CAPRIN2: variants seen among roughly 807,000 people sequenced by gnomAD.
CAPRIN2 encodes caprin family member 2, also known as caprin-2.
Under a neutral mutation model 130.4 loss-of-function variants are expected in CAPRIN2, and 66 were observed. The ratio of observed to expected loss-of-function variants is 0.51; its 90% CI spans 0.42 to 0.62. The LOEUF (loss-of-function observed/expected upper bound fraction) is 0.62, where lower values mean the gene tolerates loss of function less well. CAPRIN2 is among the 20% of genes least tolerant of loss of function. The pLI is 0.00. For synonymous variants in CAPRIN2, 471 were observed against 444.1 expected (o/e 1.06, Z -0.76); for missense variants, 1,185 against 1,246.6 (o/e 0.95, Z 0.74).
exon 1 of CAPRIN2, chr12:30,754,188 C>A (rs1298432452): frequency 6.1e-6 from 1 of 162,696 alleles, no homozygotes; most frequent in East Asian, 1.7e-4. Flanking sequence ...CATTTGCAGA[C>A]AGGTACTCTC....
At chr12:30,739,150 A>G (rs2066176997) in intron 3 of CAPRIN2, among the ~76,000 whole-genome samples, 1 of 152,244 alleles carries the variant, frequency 6.6e-6, no homozygotes. Context: ...CATGGAATCA[A>G]TCTAAATGCC....
At position 30,753,523 on chromosome 12, in the gene CAPRIN2, T is replaced by TC. The variant is rs764201241; in HGVS notation, c.240dup (p.Asn81GlufsTer39). 3 of 1,614,026 alleles carry TC rather than the reference T, an allele frequency of 1.9e-6. No homozygotes were observed. Among genetic ancestry groups the TC allele is most frequent in the African/African-American group, 2.7e-5 (2 of 74,900 alleles). On this transcript the variant is annotated frameshift_variant, in exon 1 of 17. Transcript: ENST00000298892. LOFTEE classifies it high-confidence loss of function. ...ACTTGGGGCTTGGCTGACTTCATAT[T>TC]CCCCTCTCTTTCCTCCTCTGAATGG...
intron 12 of CAPRIN2, 41 bp from the exon 14 acceptor site, chr12:30,719,266 A>T (rs368435989): frequency 6.2e-7 from 1 of 1,608,876 alleles, no homozygotes; most frequent in South Asian, 1.1e-5. Flanking sequence ...CACCTGCCAT[A>T]TAACAAGCAG....
intron 11 of CAPRIN2, among the ~76,000 whole-genome samples, chr12:30,722,540 G>GTAAA (rs10636952): frequency 0.29 from 43,420 of 151,946 alleles, 6,359 homozygotes; most frequent in Non-Finnish European, 0.33. Context: ...AACTGCTTTA[G>GTAAA]TAAAAGCAGT....
rs748116469 is a variant in CAPRIN2 at position 30,710,919 on chromosome 12, T to A, written c.2666-449A>T. 3.9e-5 allele frequency among the ~76,000 whole-genome samples: 6 copies of A among 152,252 alleles called. No homozygotes were observed. Among genetic ancestry groups the A allele is most frequent in the Non-Finnish European group, 7.3e-5 (5 of 68,048 alleles). On this transcript the variant is annotated intron_variant, in intron 16 of 16. Transcript: ENST00000298892. The surrounding 1 kb of genome is among the most constrained non-coding windows in gnomAD (Gnocchi z 4.8). ...CACTAGCCATTCAGAGATATATTGA[T>A]ATGGAACTAAGTCCCATGATGATGA...
At chr12:30,726,795 A>G (rs547335684) in intron 8 of CAPRIN2, among the ~76,000 whole-genome samples, 1 of 152,326 alleles carries the variant, frequency 6.6e-6, no homozygotes, top group East Asian at 1.9e-4. Context: ...AAGTGAGTAC[A>G]TATGGGACTC....
chr12:30,735,818 A>T (rs1046257529), intron 3 of CAPRIN2, among the ~76,000 whole-genome samples: 1 of 152,154 alleles, frequency 6.6e-6, no homozygotes, highest in Non-Finnish European at 1.5e-5. Flanking sequence ...TTAGCTGACA[A>T]AACAGATACA....
Position 30,733,707 on chromosome 12 carries a change from CA to C in CAPRIN2, c.813del (p.Glu272LysfsTer23). ...AAGGATGACTGCTCCATCTGGTCTT[CA>C]ACACTGACAAGGAAAAGCAGCAGCA... On this transcript the variant is annotated frameshift_variant, in exon 5 of 17. Coordinates refer to ENST00000298892, the Ensembl canonical transcript of CAPRIN2. LOFTEE classifies it high-confidence loss of function. 6.2e-7 allele frequency: 1 copy of C among 1,612,618 alleles called. No homozygotes were observed. Among genetic ancestry groups the C allele is most frequent in the East Asian group, 2.2e-5 (1 of 44,854 alleles).
intron 2 of CAPRIN2, among the ~76,000 whole-genome samples, chr12:30,747,475 C>T (rs896521697): frequency 2.6e-5 from 4 of 152,006 alleles, no homozygotes; most frequent in Admixed American, 6.5e-5. Flanking sequence ...GTCGGGAGTT[C>T]GAGACCAGCC....
At chr12:30,730,209 A>C in intron 7 of CAPRIN2, 30 bp downstream of exon 8, 4 of 1,586,870 alleles carry the variant, frequency 2.5e-6, no homozygotes, top group Non-Finnish European at 3.5e-6. Flanking sequence ...TGAAAAATCA[A>C]CATCAGCAAA....
chr12:30,714,613 T>C (rs1436003598), intron 14 of CAPRIN2, among the ~76,000 whole-genome samples: 2 of 152,150 alleles, frequency 1.3e-5, no homozygotes, highest in Non-Finnish European at 2.9e-5. Context: ...AACAAATAAC[T>C]AGAAATAATT....
intron 12 of CAPRIN2, 21 bp from the exon 15 acceptor site, chr12:30,716,697 T>C: frequency 6.2e-7 from 1 of 1,604,434 alleles, no homozygotes; most frequent in Non-Finnish European, 8.5e-7. Flanking sequence ...AAGGACACAC[T>C]GAGTCATTTG....
At chr12:30,732,303 T>G (rs1329678844) in intron 5 of CAPRIN2, among the ~76,000 whole-genome samples, 1 of 152,060 alleles carries the variant, frequency 6.6e-6, no homozygotes, top group Non-Finnish European at 1.5e-5. Context: ...CCGTACTTCA[T>G]TTTAGTCTAT....
At chr12:30,724,559 A>G (rs1215985363) in intron 9 of CAPRIN2, 108 bp from the exon 11 acceptor site, 2 of 730,622 alleles carry the variant, frequency 2.7e-6, no homozygotes, top group Non-Finnish European at 4.7e-6. Context: ...CTACACATAA[A>G]TATCTAGCTA....
At chr12:30,750,605 G>C (rs1160821601) in intron 2 of CAPRIN2, among the ~76,000 whole-genome samples, 1 of 151,968 alleles carries the variant, frequency 6.6e-6, no homozygotes, top group Non-Finnish European at 1.5e-5. Context: ...GAAAACCCAG[G>C]ATAGAAAAGT....
At chr12:30,734,285 G>A (rs914933177) in intron 4 of CAPRIN2, among the ~76,000 whole-genome samples, 10 of 152,114 alleles carry the variant, frequency 6.6e-5, no homozygotes, top group African/African-American at 2.4e-4. Flanking sequence ...TCTGGTAACC[G>A]TTGAAATCTG....
Position 30,719,082 on chromosome 12 carries a change from C to G in CAPRIN2, c.2148+1729G>C, listed in dbSNP as rs545978462. ...ATCATTCATGTTTCATACTCACTGT[C>G]TGCATGGCTTGAAAGGGTGCTGTGT... On this transcript the variant is annotated intron_variant, in intron 12 of 16. Transcript: ENST00000298892. 3 of 1,613,320 alleles carry G rather than the reference C, an allele frequency of 1.9e-6. No homozygotes were observed. In the East Asian group the frequency reaches 6.7e-5, roughly 36 times the overall value.
chr12:30,718,967 T>C, intron 12 of CAPRIN2, 112 bp downstream of exon 14: 2 of 1,235,600 alleles, frequency 1.6e-6, no homozygotes, highest in Non-Finnish European at 2.2e-6. Flanking sequence ...CCAACCCAAA[T>C]AAATTTTACA....
chr12:30,746,131 AAAC>A (rs141927585), intron 2 of CAPRIN2, among the ~76,000 whole-genome samples: 73,354 of 151,858 alleles, frequency 0.48, 18,213 homozygotes, highest in African/African-American at 0.55. Flanking sequence ...ACGATATTAA[AAAC>A]AACAACAAAA....
Sources: allele counts gnomAD v4.1 joint callset (sites outside exome capture counted in the v4.1 genomes callset), GRCh38; gene constraint gnomAD v4.1.1; non-coding constraint Gnocchi (gnomAD v3.1); transcripts MANE v1.5; gene names NCBI Gene and HGNC (gene_info 2026-07-23, HGNC 2026-07-21).